EWSR1: variants seen among roughly 807,000 people sequenced by gnomAD.
EWSR1 encodes the protein EWS RNA binding protein 1, also known as RNA-binding protein EWS.
In EWSR1, 14 loss-of-function variants were observed where a neutral mutation model predicts 92.1. That is an observed-to-expected ratio of 0.15 (90% CI 0.10 to 0.24). The LOEUF (loss-of-function observed/expected upper bound fraction) is 0.24. Among genes scored for constraint, EWSR1 ranks in the 10% least tolerant of loss-of-function variants. EWSR1 has a pLI of 1.00. For missense variants in EWSR1, 637 were observed against 870.9 expected (o/e 0.73, Z 3.38); for synonymous variants, 303 against 292.9 (o/e 1.03, Z -0.35).
At chr22:29,287,198 A>T in intron 7 of EWSR1, 64 bp downstream of exon 7, 1 of 1,494,048 alleles carries the variant, frequency 6.7e-7, no homozygotes. Flanking sequence ...TGTGGGGTTG[A>T]TTTTTTTTGT....
At chr22:29,287,778 T>G (rs1184961506) in intron 7 of EWSR1, among the ~76,000 whole-genome samples, 1 of 152,238 alleles carries the variant, frequency 6.6e-6, no homozygotes, top group Non-Finnish European at 1.5e-5. Flanking sequence ...GGCCTCCCTA[T>G]CAGTCATTAA....
chr22:29,288,503 G>T, intron 7 of EWSR1, 103 bp from the exon 8 acceptor site: 1 of 1,139,012 alleles, frequency 8.8e-7, no homozygotes, highest in Non-Finnish European at 1.2e-6. Flanking sequence ...ATGGTGCCTT[G>T]GTTAGTGCCT....
chr22:29,268,412 C>T, intron 1 of EWSR1, 63 bp downstream of exon 1: 6 of 1,613,432 alleles, frequency 3.7e-6, no homozygotes, highest in East Asian at 2.2e-5. Context: ...GGGGGTCGTT[C>T]GTCTCTGGGC....
intron 4 of EWSR1, chr22:29,274,251 T>A (rs1255843282): frequency 6.2e-7 from 1 of 1,613,838 alleles, no homozygotes; most frequent in Non-Finnish European, 8.5e-7. Context: ...CTTTTTGTTT[T>A]GTGCTTTCCA....
chr22:29,268,380 CGG>C (rs776108501), intron 1 of EWSR1, 31 bp downstream of exon 1: 5 of 1,613,884 alleles, frequency 3.1e-6, no homozygotes. Flanking sequence ...GTCGCGCCGG[CGG>C]TAGCCGGAAC....
At position 29,288,615 on chromosome 22, in the gene EWSR1, G is replaced by A. The variant is rs561386917; in HGVS notation, c.803G>A (p.Arg268Gln). Residue 268 changes from arginine (R) to glutamine (Q), a missense_variant, in exon 8 of 17, where the codon CGA becomes CAA. Coordinates refer to ENST00000397938, the MANE Select transcript of EWSR1 (RefSeq NM_005243.4). ...SSSYGQQSSF[R>Q]QDHPSSMGVY... is the part of the protein sequence containing the mutation. ...GTGACTCTTTCCTCAGGTTCATTCC[G>A]ACAGGACCACCCCAGTAGCATGGGT... is the stretch of plus-strand genomic sequence containing the variant. 8.7e-6 allele frequency: 14 copies of A among 1,611,450 alleles called. No individual in the cohort carries two copies. Among genetic ancestry groups the A allele is most frequent in the African/African-American group, 2.7e-5 (2 of 74,932 alleles).
At chr22:29,275,591 C>T (rs1280231055) in intron 4 of EWSR1, 2 of 228,652 alleles carry the variant, frequency 8.7e-6, no homozygotes. Flanking sequence ...ACTGTGTGAA[C>T]AAAACTTAGC....
intron 8 of EWSR1, chr22:29,289,331 A>G (rs1382374115): frequency 4.3e-6 from 1 of 230,266 alleles, no homozygotes; most frequent in African/African-American, 2.2e-5. Flanking sequence ...TGGAGCAAAG[A>G]AAAATCCAAT....
At chr22:29,284,099 G>T (rs568163238) in intron 6 of EWSR1, among the ~76,000 whole-genome samples, 1 of 151,442 alleles carries the variant, frequency 6.6e-6, no homozygotes, top group East Asian at 1.9e-4. Context: ...CTCCCAAAGT[G>T]CTGGGAATAC....
chr22:29,277,964 G>C, intron 4 of EWSR1, 66 bp from the exon 5 acceptor site: 1 of 1,427,540 alleles, frequency 7.0e-7, no homozygotes, highest in South Asian at 1.3e-5. Context: ...AAATTGTTCT[G>C]ATAATGAGTG....
chr22:29,278,682 G>A (rs545519794), intron 5 of EWSR1, among the ~76,000 whole-genome samples: 52 of 152,070 alleles, frequency 3.4e-4, no homozygotes, highest in Non-Finnish European at 5.0e-4. Context: ...AAAATTAGCC[G>A]GGCATGGTGG....
chr22:29,286,983 T>C lies in EWSR1; in HGVS notation c.642T>C (p.Tyr214=), dbSNP rs749491356. 5.0e-6 allele frequency: 8 copies of C among 1,613,742 alleles called. No individual in the cohort carries two copies. The highest frequency in any genetic ancestry group is 4.4e-5 in the South Asian group (4 of 91,060). Residue 214 remains tyrosine, a synonymous_variant, in exon 7 of 17, where the codon TAT becomes TAC. Transcript: ENST00000397938. ...GCAGTTACTCTCAGCAGAACACCTA[T>C]GGGCAACCGAGCAGCTATGGACAGC... ...DQSSYSQQNT[Y]GQPSSYGQQS... is the part of the protein sequence containing the mutation.
At chr22:29,282,365 T>C in intron 5 of EWSR1, 25 bp from the exon 6 acceptor site, 3 of 1,514,636 alleles carry the variant, frequency 2.0e-6, no homozygotes, top group Non-Finnish European at 2.6e-6. Context: ...CACTTTTTAA[T>C]TTTATTTATT....
intron 11 of EWSR1, among the ~76,000 whole-genome samples, chr22:29,293,122 C>T (rs1437886295): frequency 6.6e-6 from 1 of 152,126 alleles, no homozygotes; most frequent in African/African-American, 2.4e-5. Context: ...ATTCTCCCAC[C>T]ACAGCCTCTT....
intron 11 of EWSR1, among the ~76,000 whole-genome samples, chr22:29,293,628 G>T (rs776791793): frequency 1.3e-5 from 2 of 152,010 alleles, no homozygotes; most frequent in African/African-American, 4.8e-5. Context: ...GCAGTGGCAC[G>T]ATCTCGGCTC....
At chr22:29,268,473 C>G (rs190443563) in intron 1 of EWSR1, 124 bp downstream of exon 1, 1 of 1,545,534 alleles carries the variant, frequency 6.5e-7, no homozygotes, top group Non-Finnish European at 8.9e-7. Context: ...AGGCACCCGC[C>G]GCGGCCCGAC....
chr22:29,292,078 G>C, intron 9 of EWSR1, 59 bp from the exon 10 acceptor site: 3 of 1,484,098 alleles, frequency 2.0e-6, no homozygotes, highest in Non-Finnish European at 2.8e-6. Flanking sequence ...TGTTTGTAAG[G>C]TTTGTAGCTT....
At chr22:29,286,138 C>T (rs927203993) in intron 6 of EWSR1, among the ~76,000 whole-genome samples, 5 of 147,664 alleles carry the variant, frequency 3.4e-5, no homozygotes, top group African/African-American at 1.2e-4. Flanking sequence ...CGCACCCGGC[C>T]TGATTTTTTG....
intron 4 of EWSR1, chr22:29,275,935 G>GTTTTTTTGT (rs144017766): frequency 9.6e-6 from 2 of 208,314 alleles, no homozygotes; most frequent in African/African-American, 4.7e-5. Flanking sequence ...TTGTTTTTTT[G>GTTTTTTTGT]TTTTTTTTTT....
Sources: gnomAD v4.1 joint callset for allele counts (sites outside exome capture counted in the v4.1 genomes callset) on GRCh38, gnomAD v4.1.1 for gene constraint, MANE v1.5 for transcripts, NCBI Gene and HGNC (gene_info 2026-07-23, HGNC 2026-07-21) for gene names.